Variants in GAD1 observed in about 807,000 individuals in gnomAD.
The protein encoded by GAD1 is glutamate decarboxylase 1.
In GAD1, 35 loss-of-function variants were observed where a neutral mutation model predicts 75.2. That is an observed-to-expected ratio of 0.47 (90% confidence interval 0.36 to 0.62). GAD1 has a LOEUF of 0.62. Ranked by LOEUF, GAD1 falls within the 20% of genes least tolerant of loss-of-function variation. GAD1 has a pLI of 0.00. For missense variants in GAD1, 490 were observed against 758.5 expected (o/e 0.65, Z 4.16); for synonymous variants, 257 against 271.9 (o/e 0.95, Z 0.54).
intron 3 of GAD1, chr2:170,829,225 G>C (rs1575429948): frequency 3.7e-6 from 2 of 537,212 alleles, no homozygotes; most frequent in East Asian, 6.6e-5. Flanking sequence ...CATTCAGAGA[G>C]GAGAACGGGC....
At chr2:170,827,902 G>C (rs921181843) in intron 3 of GAD1, among the ~76,000 whole-genome samples, 10 of 152,224 alleles carry the variant, frequency 6.6e-5, no homozygotes, top group African/African-American at 2.2e-4. Context: ...TCAAGGAGAG[G>C]GGGTGGTGCA....
At chr2:170,821,784 C>G (rs1238880030) in intron 2 of GAD1, 2 of 457,618 alleles carry the variant, frequency 4.4e-6, no homozygotes, top group Non-Finnish European at 8.1e-6. Flanking sequence ...CACCCAACTC[C>G]GACCCCACCT....
At chr2:170,855,508 C>G (rs541306265) in intron 14 of GAD1, among the ~76,000 whole-genome samples, 10 of 151,594 alleles carry the variant, frequency 6.6e-5, no homozygotes, top group African/African-American at 2.4e-4. Context: ...GCACCCAGCT[C>G]TATTTTGACT....
chr2:170,855,925 C>T (rs528831137), intron 14 of GAD1, among the ~76,000 whole-genome samples: 2 of 150,564 alleles, frequency 1.3e-5, no homozygotes, highest in African/African-American at 2.4e-5. Flanking sequence ...AAAAAGGAGT[C>T]GTGTCATTTT....
chr2:170,858,264 C>G (rs1702895434), intron 15 of GAD1, among the ~76,000 whole-genome samples: 1 of 152,226 alleles, frequency 6.6e-6, no homozygotes, highest in African/African-American at 2.4e-5. Flanking sequence ...AGGAGGGACA[C>G]TAAACAGTTT....
Position 170,850,619 on chromosome 2 carries a change from A to G in GAD1, c.1184+1269A>G, listed in dbSNP as rs191666968. Reference sequence around the variant, plus strand: ...CACAGCCAGGACTCTGGCTTTTGTTACCTCTACTGTGCCTCCCCAAACTTT... The same window carrying G: ...CACAGCCAGGACTCTGGCTTTTGTTGCCTCTACTGTGCCTCCCCAAACTTT... On this transcript the variant is annotated intron_variant, in intron 12 of 16. Coordinates refer to ENST00000358196, the MANE Select transcript of GAD1 (RefSeq NM_000817.3). Among the ~76,000 whole-genome samples, 288 of 152,224 alleles carry G rather than the reference A, an allele frequency of 1.9e-3. 5 individuals are homozygous for G. Among genetic ancestry groups the G allele is most frequent in the East Asian group, 4.1e-3 (21 of 5,174 alleles).
Position 170,853,710 on chromosome 2 carries a change from T to A in GAD1, c.1264-163T>A, listed in dbSNP as rs895854343. 4.5e-6 allele frequency: 3 copies of A among 668,754 alleles called. No individual in the cohort carries two copies. Among genetic ancestry groups the A allele is most frequent in the Admixed American group, 4.7e-5 (2 of 42,396 alleles). The allele number at this position is 668,754 out of a possible 1,614,324, so 41.4% of individuals were successfully genotyped here. ...AAAGGGATGGCAGTTTTTCCAAGAGTGATTTTAGAAAAGGGCATCAGAACA... is the reference window on the plus strand; with the variant it reads ...AAAGGGATGGCAGTTTTTCCAAGAGAGATTTTAGAAAAGGGCATCAGAACA... On this transcript the variant is annotated intron_variant, in intron 13 of 16. Coordinates refer to ENST00000358196, the MANE Select transcript of GAD1 (RefSeq NM_000817.3). The surrounding 1 kb of genome is among the most constrained non-coding windows in gnomAD (Gnocchi z 4.1).
At chr2:170,852,857 C>G (rs925009334) in intron 13 of GAD1, 65 bp downstream of exon 13, 2 of 1,376,868 alleles carry the variant, frequency 1.5e-6, no homozygotes, top group Admixed American at 3.4e-5. Context: ...AAAAGACACA[C>G]GTGGGGTCTC....
At chr2:170,817,617 C>T (rs1701744037) in intron 1 of GAD1, 1 of 152,354 alleles carries the variant, frequency 6.6e-6, no homozygotes, top group South Asian at 2.1e-4. Flanking sequence ...CGCGCCAGCG[C>T]CGAGAGTCGA....
At chr2:170,814,731 G>T (rs888227753), upstream of GAD1, among the ~76,000 whole-genome samples, 2 of 152,198 alleles carry the variant, frequency 1.3e-5, no homozygotes, top group African/African-American at 4.8e-5. Context: ...CCATAAAGGA[G>T]AAAGAGAGGG....
chr2:170,847,649 T>G, intron 10 of GAD1, 27 bp from the exon 11 acceptor site: 1 of 1,403,648 alleles, frequency 7.1e-7, no homozygotes, highest in African/African-American at 1.4e-5. Flanking sequence ...AAAATACTCA[T>G]CAGCCTATAT....
At chr2:170,823,249 C>CCCGGAGCG (rs1332690978) in intron 3 of GAD1, among the ~76,000 whole-genome samples, 1 of 152,194 alleles carries the variant, frequency 6.6e-6, no homozygotes, top group Non-Finnish European at 1.5e-5. Flanking sequence ...CCGCCCTAGC[C>CCCGGAGCG]CCGGAGCGCC....
At chr2:170,828,363 C>CT in intron 3 of GAD1, among the ~76,000 whole-genome samples, 1 of 127,612 alleles carries the variant, frequency 7.8e-6, no homozygotes, top group South Asian at 2.9e-4. Context: ...GTCCTCATCC[C>CT]CTTCCCTCTG....
Position 170,836,848 on chromosome 2 carries a change from T to G in GAD1, c.603T>G (p.Ala201=). Residue 201 remains alanine, a synonymous_variant, in exon 6 of 17, where the codon GCT becomes GCG. Coordinates refer to ENST00000358196, the MANE Select transcript of GAD1 (RefSeq NM_000817.3). The part of the protein sequence containing the change: ...LSTGLDIIGL[A]GEWLTSTANT... ...CTGGATTGGATATTATTGGCCTAGC[T>G]GGAGAATGGCTGACATCAACGGCCA... is the stretch of plus-strand genomic sequence containing the variant. 6.2e-7 allele frequency: 1 copy of G among 1,614,062 alleles called. No homozygotes were observed. The highest frequency in any genetic ancestry group is 8.5e-7 in the Non-Finnish European group (1 of 1,179,928).
At chr2:170,842,090 C>G (rs1702529875) in intron 6 of GAD1, among the ~76,000 whole-genome samples, 1 of 152,190 alleles carries the variant, frequency 6.6e-6, no homozygotes. Context: ...TAGACTCTTC[C>G]TCCTAATCCT....
chr2:170,849,872 C>T (rs1182650469), intron 12 of GAD1, among the ~76,000 whole-genome samples: 3 of 152,226 alleles, frequency 2.0e-5, no homozygotes, highest in African/African-American at 7.2e-5. Flanking sequence ...GTTCACTTTC[C>T]TCTTCTTCCT....
In GAD1 at chr2:170,858,871, A is replaced by G; in HGVS notation, c.1589A>G (p.Gln530Arg). The G allele has an allele frequency of 1.9e-6, 3 of 1,614,184 alleles. No individual in the cohort carries two copies. Among genetic ancestry groups the G allele is most frequent in the Non-Finnish European group, 2.5e-6 (3 of 1,180,006 alleles). The change falls in exon 16 of 17, where the codon CAA becomes CGA. Residue 530 changes from glutamine (Q) to arginine (R), a missense_variant. Coordinates refer to ENST00000358196, the MANE Select transcript of GAD1 (RefSeq NM_000817.3). Reference sequence around the variant, plus strand: ...CTCAGGGGTGTGCCAGACAGCCCTCAACGACGGGAAAAGCTACACAAGGTA... The same window carrying G: ...CTCAGGGGTGTGCCAGACAGCCCTCGACGACGGGAAAAGCTACACAAGGTA... ...QSLRGVPDSPQRREKLHKVAP... is the reference protein window; with the variant it reads ...QSLRGVPDSPRRREKLHKVAP...
chr2:170,820,659 C>T (rs1317771732), intron 2 of GAD1, among the ~76,000 whole-genome samples: 2 of 152,252 alleles, frequency 1.3e-5, no homozygotes, highest in African/African-American at 4.8e-5. Context: ...CTTCCCGACC[C>T]TTGCTACATC....
chr2:170,817,907 GGTTC>G, intron 1 of GAD1: 1 of 152,736 alleles, frequency 6.5e-6, no homozygotes, highest in Non-Finnish European at 1.5e-5. Flanking sequence ...AGGTGACTGT[GGTTC>G]TTCTCTGGCC....
Sources: gnomAD v4.1 joint callset for allele counts (sites outside exome capture counted in the v4.1 genomes callset) on GRCh38, gnomAD v4.1.1 for gene constraint, Gnocchi (gnomAD v3.1) non-coding constraint, MANE v1.5 for transcripts, NCBI Gene and HGNC (gene_info 2026-07-23, HGNC 2026-07-21) for gene names.